The following CERS6 variants were observed in gnomAD, a reference collection of about 807,000 sequenced individuals.
CERS6 encodes the protein ceramide synthase 6.
A neutral mutation model predicts 56.8 loss-of-function variants in CERS6; 26 were observed. The observed-to-expected ratio is 0.46, with a 90% CI of 0.34 to 0.63. CERS6 has a LOEUF of 0.63. CERS6 is among the 30% of genes least tolerant of loss of function. The pLI is 0.01. For missense variants in CERS6, 415 were observed against 467.5 expected, an observed-to-expected ratio of 0.89 and a Z score of 1.04; for synonymous variants, 164 against 173.3, an observed-to-expected ratio of 0.95 and a Z score of 0.42.
intron 3 of CERS6, among the ~76,000 whole-genome samples, chr2:168,578,834 A>G (rs1460634512): frequency 6.6e-6 from 1 of 152,178 alleles, no homozygotes; most frequent in Non-Finnish European, 1.5e-5. Context: ...TGGTGCCTAA[A>G]AAGTAATCCT....
chr2:168,464,553 G>A (rs1240709249), intron 1 of CERS6, among the ~76,000 whole-genome samples: 1 of 152,054 alleles, frequency 6.6e-6, no homozygotes, highest in Non-Finnish European at 1.5e-5. Flanking sequence ...TTAAATAGTG[G>A]AAGGAATACA....
chr2:168,759,295 T>G (rs1684499845), intron 8 of CERS6, among the ~76,000 whole-genome samples: 1 of 152,150 alleles, frequency 6.6e-6, no homozygotes, highest in African/African-American at 2.4e-5. Flanking sequence ...ATTTTTAGAA[T>G]GAGGGGTATA....
At chr2:168,701,319 G>A (rs1389520334) in intron 6 of CERS6, among the ~76,000 whole-genome samples, 1 of 152,118 alleles carries the variant, frequency 6.6e-6, no homozygotes, top group Non-Finnish European at 1.5e-5. Flanking sequence ...GAAATAATTT[G>A]TCTAATCAGT....
chr2:168,615,977 C>T (rs751920323), intron 3 of CERS6, among the ~76,000 whole-genome samples: 11 of 152,182 alleles, frequency 7.2e-5, no homozygotes, highest in Non-Finnish European at 1.3e-4. Context: ...GCAAAAGCAC[C>T]AGGTAACCTA....
intron 1 of CERS6, among the ~76,000 whole-genome samples, chr2:168,533,995 C>G (rs546340482): frequency 6.6e-6 from 1 of 151,710 alleles, no homozygotes; most frequent in Admixed American, 6.6e-5. Flanking sequence ...TGCTTTCTTC[C>G]GCTTGGTTGA....
chr2:168,763,851 G>A (rs1235653706), intron 8 of CERS6, among the ~76,000 whole-genome samples: 2 of 152,156 alleles, frequency 1.3e-5, no homozygotes, highest in Non-Finnish European at 2.9e-5. Flanking sequence ...AGCTGAGGAG[G>A]AGAGCAGAGA....
At chr2:168,541,788 A>G (rs544187607) in intron 1 of CERS6, among the ~76,000 whole-genome samples, 4 of 152,198 alleles carry the variant, frequency 2.6e-5, no homozygotes, top group Non-Finnish European at 5.9e-5. Flanking sequence ...TTTACCTTGT[A>G]CATTCATGGT....
chr2:168,669,486 T>C lies in CERS6; in HGVS notation c.466-21548T>C, dbSNP rs181819949. Among the ~76,000 whole-genome samples the C allele has an allele frequency of 4.8e-3, 733 of 152,214 alleles. 3 individuals carry two copies. Among genetic ancestry groups the C allele is most frequent in the Non-Finnish European group, 8.1e-3 (552 of 68,014 alleles). ...ACTTAATGTTGGGGTTCTATAATTA[T>C]GGAAGAGAAGGGAGAATGATGTTGG... On this transcript the variant is annotated intron_variant, in intron 4 of 9. Transcript: ENST00000305747.
intron 4 of CERS6, among the ~76,000 whole-genome samples, chr2:168,649,638 C>G (rs1574128880): frequency 6.6e-6 from 1 of 151,994 alleles, no homozygotes. Flanking sequence ...TTTGCTTTAT[C>G]CCCCCGTAGC....
intron 4 of CERS6, 64 bp from the exon 5 acceptor site, chr2:168,690,970 A>G: frequency 6.9e-7 from 1 of 1,456,400 alleles, no homozygotes; most frequent in South Asian, 1.1e-5. Flanking sequence ...GCCTATTGTA[A>G]ACCTTTTTTA....
intron 6 of CERS6, among the ~76,000 whole-genome samples, chr2:168,700,582 T>A (rs540902872): frequency 2.6e-5 from 4 of 152,308 alleles, no homozygotes; most frequent in African/African-American, 7.2e-5. Context: ...AAGTCCTTAT[T>A]TTTGTCATTT....
At chr2:168,650,409 C>T (rs907605570) in intron 4 of CERS6, among the ~76,000 whole-genome samples, 1 of 152,198 alleles carries the variant, frequency 6.6e-6, no homozygotes, top group Non-Finnish European at 1.5e-5. Context: ...GAATTTATTA[C>T]TACAACCTTC....
chr2:168,598,679 T>A (rs533618392), intron 3 of CERS6, among the ~76,000 whole-genome samples: 19 of 152,304 alleles, frequency 1.2e-4, no homozygotes, highest in African/African-American at 4.1e-4. Flanking sequence ...AAAGAAAATT[T>A]AATAACGTAG....
At position 168,722,068 on chromosome 2, in the gene CERS6, T is replaced by G. The variant is rs144622225; in HGVS notation, c.845+4090T>G. ...TATTAAATGGTATCTTATTGTAGTTTTGATTTGCATTTCAAATTCTTTACC... is the reference window on the plus strand; with the variant it reads ...TATTAAATGGTATCTTATTGTAGTTGTGATTTGCATTTCAAATTCTTTACC... On this transcript the variant is annotated intron_variant, in intron 8 of 9. Coordinates refer to ENST00000305747, the MANE Select transcript of CERS6 (RefSeq NM_203463.3). Among the ~76,000 whole-genome samples the G allele has an allele frequency of 1.8e-3, 269 of 152,350 alleles. 9 individuals are homozygous for G. In the East Asian group the frequency reaches 0.043, roughly 24 times the overall value.
At chr2:168,610,033 A>G (rs1452678574) in intron 3 of CERS6, among the ~76,000 whole-genome samples, 3 of 129,260 alleles carry the variant, frequency 2.3e-5, no homozygotes, top group Middle Eastern at 6.0e-3. Flanking sequence ...GCTGGAGTGC[A>G]GTGGCGCGAC....
intron 4 of CERS6, among the ~76,000 whole-genome samples, chr2:168,682,283 T>A (rs529495968): frequency 2.0e-5 from 3 of 152,296 alleles, no homozygotes; most frequent in Admixed American, 2.0e-4. Flanking sequence ...GCTATGACAA[T>A]ATGTAATTTA....
chr2:168,591,903 G>T (rs1262512205), intron 3 of CERS6, among the ~76,000 whole-genome samples: 1 of 152,138 alleles, frequency 6.6e-6, no homozygotes, highest in Non-Finnish European at 1.5e-5. Context: ...GTGAATCTCC[G>T]CATGGACCCT....
At chr2:168,477,625 G>A (rs1049556494) in intron 1 of CERS6, among the ~76,000 whole-genome samples, 14 of 152,094 alleles carry the variant, frequency 9.2e-5, no homozygotes, top group Admixed American at 2.6e-4. Context: ...ACTTTTGTAC[G>A]TCTTTCTTTC....
intron 4 of CERS6, among the ~76,000 whole-genome samples, chr2:168,645,089 TTAAAA>T (rs1462611387): frequency 0.025 from 254 of 10,272 alleles, 52 homozygotes; most frequent in East Asian, 0.029. Context: ...AGACTGCATC[TTAAAA>T]AAAAAAAAAA....
Sources: allele counts gnomAD v4.1 joint callset (sites outside exome capture counted in the v4.1 genomes callset), GRCh38; gene constraint gnomAD v4.1.1; transcripts MANE v1.5; gene names NCBI Gene and HGNC (gene_info 2026-07-23, HGNC 2026-07-21).